The following THRB variants were observed in gnomAD, a reference collection of about 807,000 sequenced individuals.
The protein encoded by THRB is nuclear receptor subfamily 1 group A member 2.
Under a neutral mutation model 47.8 loss-of-function variants are expected in THRB, and 12 were observed. That is an observed-to-expected ratio of 0.25 (90% CI 0.16 to 0.41). The LOEUF (loss-of-function observed/expected upper bound fraction) is 0.41. Among genes scored for constraint, THRB ranks in the 10% least tolerant of loss-of-function variants. The pLI, the probability that THRB is intolerant of heterozygous loss-of-function variation, is 1.00. For synonymous variants in THRB, 218 were observed against 212.2 expected (o/e 1.03, Z -0.24); for missense variants, 348 against 589.2 (o/e 0.59, Z 4.24).
chr3:24,188,681 A>C (rs1283490590), intron 5 of THRB, among the ~76,000 whole-genome samples: 1 of 152,048 alleles, frequency 6.6e-6, no homozygotes, highest in Non-Finnish European at 1.5e-5. Flanking sequence ...CAATGTTGAG[A>C]TACAATCTGG....
chr3:24,426,157 T>C (rs2069738941), intron 1 of THRB, among the ~76,000 whole-genome samples: 1 of 152,002 alleles, frequency 6.6e-6, no homozygotes, highest in South Asian at 2.1e-4. Flanking sequence ...GTCATCCATA[T>C]AGCTACCTAT....
At chr3:24,397,204 CATT>C (rs2067029163) in intron 1 of THRB, among the ~76,000 whole-genome samples, 1 of 151,982 alleles carries the variant, frequency 6.6e-6, no homozygotes, top group African/African-American at 2.4e-5. Context: ...TGGAATAAAA[CATT>C]ATGAACTGAG....
chr3:24,375,374 CAT>C (rs1396458687), intron 1 of THRB, among the ~76,000 whole-genome samples: 5 of 139,954 alleles, frequency 3.6e-5, no homozygotes, highest in South Asian at 2.3e-4. Context: ...TATATTTAGA[CAT>C]ATAATATTAA....
At chr3:24,172,799 C>T (rs2040602788) in intron 5 of THRB, among the ~76,000 whole-genome samples, 1 of 152,126 alleles carries the variant, frequency 6.6e-6, no homozygotes, top group Non-Finnish European at 1.5e-5. Flanking sequence ...CAAGGCAGTC[C>T]TGGTGGCTTC....
At position 24,487,152 on chromosome 3, in the gene THRB, T is replaced by TTGTG. The variant is rs57780481; in HGVS notation, c.-261+7496_-261+7499dup. ...GTGTTGTATACAAGTTGCTAGGGGTTTGTGTGTGTGTGTGTGTGAAAAAGC... is the reference window on the plus strand; with the variant it reads ...GTGTTGTATACAAGTTGCTAGGGGTTTGTGTGTGTGTGTGTGTGTGTGAAAAAGC... On this transcript the variant is annotated intron_variant, in intron 1 of 10. Coordinates refer to ENST00000646209, the MANE Select transcript of THRB (RefSeq NM_001354712.2). Among the ~76,000 whole-genome samples, 933 of 151,088 alleles carry TTGTG rather than the reference T, an allele frequency of 6.2e-3. 9 individuals are homozygous for TTGTG. The highest frequency in any genetic ancestry group is 0.021 in the African/African-American group (883 of 41,250).
chr3:24,431,261 TACACACACACACACACACAC>T (rs199810848), intron 1 of THRB, among the ~76,000 whole-genome samples: 3 of 135,794 alleles, frequency 2.2e-5, no homozygotes, highest in East Asian at 4.3e-4. Flanking sequence ...TCTCTCTCTC[TACACACACACACACACACAC>T]ACACACACAC....
chr3:24,290,458 G>A (rs772586589), intron 3 of THRB, among the ~76,000 whole-genome samples: 4 of 152,146 alleles, frequency 2.6e-5, no homozygotes, highest in Non-Finnish European at 5.9e-5. Context: ...TCCTGGGCAT[G>A]TTCACTGTAA....
chr3:24,215,047 A>G (rs1467194506), intron 4 of THRB, among the ~76,000 whole-genome samples: 1 of 152,228 alleles, frequency 6.6e-6, no homozygotes, highest in African/African-American at 2.4e-5. Context: ...TCACTAGTTT[A>G]TTCTATCTAG....
intron 4 of THRB, among the ~76,000 whole-genome samples, chr3:24,208,286 T>C (rs2045623956): frequency 6.6e-6 from 1 of 152,044 alleles, no homozygotes; most frequent in Non-Finnish European, 1.5e-5. Flanking sequence ...AGGTAATTTA[T>C]AGATTCAATG....
At chr3:24,179,317 A>C (rs540833492) in intron 5 of THRB, among the ~76,000 whole-genome samples, 90 of 152,302 alleles carry the variant, frequency 5.9e-4, no homozygotes, top group African/African-American at 2.1e-3. Flanking sequence ...ATGGTGTCCT[A>C]AGATAATTTC....
chr3:24,455,045 C>T (rs2073032094), intron 1 of THRB: 1 of 150,060 alleles, frequency 6.7e-6, no homozygotes, highest in Non-Finnish European at 1.5e-5. Context: ...TGCAGTCATT[C>T]CCTCAGTAGC....
intron 2 of THRB, among the ~76,000 whole-genome samples, chr3:24,313,778 T>C (rs1418508621): frequency 2.6e-5 from 4 of 151,414 alleles, no homozygotes; most frequent in Non-Finnish European, 5.9e-5. Flanking sequence ...CACAGTTTGG[T>C]TCAAAGGCTT....
At chr3:24,171,286 C>T (rs1213147642) in intron 5 of THRB, among the ~76,000 whole-genome samples, 1 of 152,278 alleles carries the variant, frequency 6.6e-6, no homozygotes, top group African/African-American at 2.4e-5. Flanking sequence ...CTGGAATCTT[C>T]GGACTCATTG....
chr3:24,372,455 G>A (rs1237320516), intron 1 of THRB, among the ~76,000 whole-genome samples: 1 of 152,048 alleles, frequency 6.6e-6, no homozygotes, highest in African/African-American at 2.4e-5. Context: ...GTATAAGCAT[G>A]CACAATATGG....
chr3:24,259,417 T>G (rs999943955), intron 3 of THRB, among the ~76,000 whole-genome samples: 3 of 152,158 alleles, frequency 2.0e-5, no homozygotes, highest in Non-Finnish European at 4.4e-5. Context: ...GACACAAAGC[T>G]GACAGAAGCA....
At chr3:24,488,100 T>C (rs548202902) in intron 1 of THRB, among the ~76,000 whole-genome samples, 36 of 152,342 alleles carry the variant, frequency 2.4e-4, no homozygotes, top group African/African-American at 8.4e-4. Flanking sequence ...CAAACATTCC[T>C]GAGCCTCCAG....
chr3:24,302,403 A>G (rs1164449937), intron 2 of THRB, among the ~76,000 whole-genome samples: 1 of 152,116 alleles, frequency 6.6e-6, no homozygotes, highest in Admixed American at 6.5e-5. Flanking sequence ...TTCTTGTTGT[A>G]TCTTATTAAG....
chr3:24,443,319 C>T (rs1286111692), intron 1 of THRB, among the ~76,000 whole-genome samples: 2 of 152,004 alleles, frequency 1.3e-5, no homozygotes, highest in African/African-American at 4.8e-5. Context: ...GAAACAACAA[C>T]AGCAAAAATC....
At chr3:24,238,857 TG>T (rs1391312373) in intron 3 of THRB, among the ~76,000 whole-genome samples, 2 of 152,038 alleles carry the variant, frequency 1.3e-5, no homozygotes, top group East Asian at 3.9e-4. Context: ...CAGTGTCAAA[TG>T]GGGGGCAGGG....
Sources: allele counts gnomAD v4.1 joint callset (sites outside exome capture counted in the v4.1 genomes callset), GRCh38; gene constraint gnomAD v4.1.1; transcripts MANE v1.5; gene names NCBI Gene and HGNC (gene_info 2026-07-23, HGNC 2026-07-21).